The following TP63 variants were observed in gnomAD, a reference collection of about 807,000 sequenced individuals.
TP63 encodes tumor protein 63.
A neutral mutation model predicts 82.8 loss-of-function variants in TP63; 17 were observed. The observed-to-expected ratio is 0.21, with a 90% CI of 0.14 to 0.31. The LOEUF is 0.31. Among genes scored for constraint, TP63 ranks in the 10% least tolerant of loss-of-function variants. The pLI is 1.00. For missense variants in TP63, 648 were observed against 895.3 expected (o/e 0.72, Z 3.52); for synonymous variants, 330 against 321.7 (o/e 1.03, Z -0.28).
At chr3:189,631,616 T>C (rs778575910) in intron 1 of TP63, 39 bp downstream of exon 1, 1 of 1,611,892 alleles carries the variant, frequency 6.2e-7, no homozygotes, top group African/African-American at 1.3e-5. Flanking sequence ...CAAAACTTAA[T>C]TGAAGTGCCT....
intron 4 of TP63, among the ~76,000 whole-genome samples, chr3:189,825,032 G>A (rs772002733): frequency 1.1e-4 from 16 of 152,124 alleles, no homozygotes; most frequent in Admixed American, 5.9e-4. Flanking sequence ...TGATTTGTGC[G>A]TGTGTTTTGT....
intron 6 of TP63, 63 bp from the exon 7 acceptor site, chr3:189,867,770 C>A: frequency 6.9e-7 from 1 of 1,443,892 alleles, no homozygotes; most frequent in South Asian, 1.2e-5. Context: ...GAGGGAAGAA[C>A]TGAGAAGGAA....
intron 1 of TP63, among the ~76,000 whole-genome samples, chr3:189,696,316 A>G (rs990279260): frequency 4.6e-5 from 7 of 152,092 alleles, no homozygotes; most frequent in African/African-American, 1.4e-4. Context: ...TAGCCTTTTC[A>G]GACTGGCTTT....
At chr3:189,675,458 AT>A (rs1295157966) in intron 1 of TP63, among the ~76,000 whole-genome samples, 2 of 152,152 alleles carry the variant, frequency 1.3e-5, no homozygotes, top group Non-Finnish European at 2.9e-5. Flanking sequence ...TGCATTTAGA[AT>A]ATAACCTAAA....
the TP63 span, among the ~76,000 whole-genome samples, chr3:189,603,670 AAAAAAAG>A: frequency 1.7e-3 from 225 of 132,122 alleles, 10 homozygotes; most frequent in East Asian, 6.8e-3. Flanking sequence ...AAAAAAAAAA[AAAAAAAG>A]AAGCACAGTC....
rs7653848 is a variant in TP63, at chr3:189,868,063, C to G, written c.992+121C>G. The G allele has an allele frequency of 3.6e-6, 3 of 829,606 alleles. No homozygotes were observed. The South Asian group carries it at 4.3e-5, about 12-fold the overall frequency. 51.4% of individuals were successfully genotyped at this position (829,606 alleles called of 1,614,324 possible). A position where few individuals can be genotyped will look rare whatever the true frequency, so the allele number is the denominator to read the frequency against. On this transcript the variant is annotated intron_variant, in intron 7 of 13. Coordinates refer to ENST00000264731, the MANE Select transcript of TP63 (RefSeq NM_003722.5). ...CAGCGGAGAGCTTGTCCTTTGTGCT[C>G]TAAATCCTTGCTACAAACGGTTACA...
intron 5 of TP63, among the ~76,000 whole-genome samples, chr3:189,866,167 TTTC>T (rs1279217128): frequency 2.0e-5 from 3 of 152,174 alleles, no homozygotes; most frequent in African/African-American, 7.2e-5. Flanking sequence ...CACCAGAACG[TTTC>T]TTATCTTTAT....
chr3:189,772,931 T>C (rs1384877842), intron 3 of TP63, among the ~76,000 whole-genome samples: 2 of 152,202 alleles, frequency 1.3e-5, no homozygotes, highest in Non-Finnish European at 2.9e-5. Context: ...TATCTGAGCA[T>C]CTGAAGGCAG....
At chr3:189,615,830 A>G in the TP63 span, among the ~76,000 whole-genome samples, 3 of 152,194 alleles carry the variant, frequency 2.0e-5, no homozygotes, top group Non-Finnish European at 4.4e-5. Context: ...TTGACTTCCA[A>G]TGCTGTCCTC....
chr3:189,649,995 T>C (rs1179900329), intron 1 of TP63, among the ~76,000 whole-genome samples: 2 of 147,412 alleles, frequency 1.4e-5, no homozygotes, highest in African/African-American at 2.5e-5. Context: ...GTTTAGGGGC[T>C]ATTGTTCTAT....
At chr3:189,619,442 G>C in the TP63 span, among the ~76,000 whole-genome samples, 3 of 152,120 alleles carry the variant, frequency 2.0e-5, no homozygotes, top group Admixed American at 1.3e-4. Flanking sequence ...TTTCCAACCA[G>C]CCTTAGCTAA....
chr3:189,877,393 T>G (rs1719357089), intron 10 of TP63, among the ~76,000 whole-genome samples: 1 of 152,230 alleles, frequency 6.6e-6, no homozygotes. Flanking sequence ...CTTCTGTACT[T>G]CAGATCAGTA....
chr3:189,806,871 TC>T (rs1317202086), intron 3 of TP63, among the ~76,000 whole-genome samples: 1 of 151,828 alleles, frequency 6.6e-6, no homozygotes, highest in Non-Finnish European at 1.5e-5. Flanking sequence ...CCACTTCTCC[TC>T]CCCCTGTGGA....
chr3:189,734,279 C>G (rs889310175), intron 1 of TP63, among the ~76,000 whole-genome samples: 1 of 141,586 alleles, frequency 7.1e-6, no homozygotes, highest in South Asian at 2.3e-4. Flanking sequence ...TCAAGCGATT[C>G]TCCTGCCTCA....
chr3:189,605,834 A>T, the TP63 span, among the ~76,000 whole-genome samples: 74 of 152,320 alleles, frequency 4.9e-4, no homozygotes, highest in Admixed American at 2.6e-3. Flanking sequence ...AAGAGATATG[A>T]TGGAATATCA....
intron 1 of TP63, among the ~76,000 whole-genome samples, chr3:189,723,606 C>G (rs1038383737): frequency 6.6e-6 from 1 of 152,198 alleles, no homozygotes; most frequent in Non-Finnish European, 1.5e-5. Flanking sequence ...AGGCCAGAAA[C>G]TAAAATTTGG....
At chr3:189,835,776 T>C (rs1713045877) in intron 4 of TP63, among the ~76,000 whole-genome samples, 1 of 150,890 alleles carries the variant, frequency 6.6e-6, no homozygotes, top group Admixed American at 6.6e-5. Context: ...TAACTGGCCA[T>C]GGTGGCAGGT....
At chr3:189,650,157 C>T (rs1311611723) in intron 1 of TP63, among the ~76,000 whole-genome samples, 1 of 146,254 alleles carries the variant, frequency 6.8e-6, no homozygotes, top group Non-Finnish European at 1.5e-5. Flanking sequence ...CTGGTTTTCA[C>T]AGCATGGCAT....
At chr3:189,603,648 A>C in the TP63 span, among the ~76,000 whole-genome samples, 1 of 62,306 alleles carries the variant, frequency 1.6e-5, no homozygotes, top group Non-Finnish European at 2.9e-5. Flanking sequence ...TTTTGCCTTC[A>C]TTAAAAAAAA....
Sources: gnomAD v4.1 joint callset for allele counts (sites outside exome capture counted in the v4.1 genomes callset) on GRCh38, gnomAD v4.1.1 for gene constraint, MANE v1.5 for transcripts, NCBI Gene and HGNC (gene_info 2026-07-23, HGNC 2026-07-21) for gene names.